Variants in CTNND2 observed in about 807,000 individuals in gnomAD.
CTNND2 encodes catenin delta-2.
CTNND2 carries 22 observed loss-of-function variants against 144.4 expected under a neutral mutation model. The observed-to-expected ratio is 0.15, with a 90% confidence interval of 0.11 to 0.22. The LOEUF is 0.22. CTNND2 is among the 10% of genes least tolerant of loss of function. The pLI is 1.00. For missense variants in CTNND2, 1,353 were observed against 1,618.8 expected (o/e 0.84, Z 2.82); for synonymous variants, 751 against 695.6 (o/e 1.08, Z -1.25).
At chr5:11,778,074 A>T (rs1790349427) in intron 1 of CTNND2, among the ~76,000 whole-genome samples, 1 of 152,030 alleles carries the variant, frequency 6.6e-6, no homozygotes, top group Non-Finnish European at 1.5e-5. Flanking sequence ...TCAGGTTTTG[A>T]CTGAGACTGG....
At chr5:11,547,614 G>A (rs570438552) in intron 3 of CTNND2, among the ~76,000 whole-genome samples, 1 of 152,210 alleles carries the variant, frequency 6.6e-6, no homozygotes, top group South Asian at 2.1e-4. Context: ...ACATGATTAG[G>A]CATTTAATCG....
At chr5:11,787,979 A>T (rs1790924173) in intron 1 of CTNND2, among the ~76,000 whole-genome samples, 2 of 152,208 alleles carry the variant, frequency 1.3e-5, no homozygotes, top group Non-Finnish European at 2.9e-5. Context: ...ATTGCTCCCT[A>T]TAAGTTTACT....
At chr5:11,687,579 G>A (rs1784712845) in intron 2 of CTNND2, among the ~76,000 whole-genome samples, 1 of 152,224 alleles carries the variant, frequency 6.6e-6, no homozygotes, top group Admixed American at 6.5e-5. Flanking sequence ...TGGCTTAGGT[G>A]TGAGGATCAT....
chr5:11,545,837 A>T (rs1232774700), intron 3 of CTNND2, among the ~76,000 whole-genome samples: 1 of 152,166 alleles, frequency 6.6e-6, no homozygotes, highest in Non-Finnish European at 1.5e-5. Flanking sequence ...CACAATATCC[A>T]AAAGGTAGAA....
intron 3 of CTNND2, among the ~76,000 whole-genome samples, chr5:11,460,396 C>G (rs31948): frequency 6.6e-6 from 1 of 152,134 alleles, no homozygotes; most frequent in Non-Finnish European, 1.5e-5. Context: ...AGCCAATTTC[C>G]AAATTTGATG....
At chr5:11,550,270 C>T (rs771344032) in intron 3 of CTNND2, among the ~76,000 whole-genome samples, 3 of 152,196 alleles carry the variant, frequency 2.0e-5, no homozygotes, top group South Asian at 4.1e-4. Context: ...TTCCAAACTC[C>T]GTTGTCTTCA....
chr5:11,796,180 C>T (rs1057138950), intron 1 of CTNND2, among the ~76,000 whole-genome samples: 5 of 152,172 alleles, frequency 3.3e-5, no homozygotes, highest in Admixed American at 3.3e-4. Flanking sequence ...TCTGCACCTC[C>T]CACATTAGCT....
chr5:11,669,120 G>C (rs534712711), intron 2 of CTNND2, among the ~76,000 whole-genome samples: 184 of 152,278 alleles, frequency 1.2e-3, no homozygotes, highest in Middle Eastern at 6.8e-3. Flanking sequence ...AAGCCGACTT[G>C]ATCGTGGTGG....
At chr5:11,025,946 T>C (rs999831503) in intron 16 of CTNND2, among the ~76,000 whole-genome samples, 1 of 152,224 alleles carries the variant, frequency 6.6e-6, no homozygotes, top group African/African-American at 2.4e-5. Context: ...TCCCTTTTTT[T>C]GTATCACATT....
At chr5:11,879,639 C>A (rs1415117389) in intron 1 of CTNND2, among the ~76,000 whole-genome samples, 1 of 151,926 alleles carries the variant, frequency 6.6e-6, no homozygotes, top group Non-Finnish European at 1.5e-5. Flanking sequence ...ATACAAAAAT[C>A]TCGTTTCTAT....
At chr5:11,469,768 T>C (rs1248739096) in intron 3 of CTNND2, among the ~76,000 whole-genome samples, 1 of 152,174 alleles carries the variant, frequency 6.6e-6, no homozygotes, top group African/African-American at 2.4e-5. Flanking sequence ...CCTTTTCCAA[T>C]GCTCCATTTT....
chr5:11,789,070 CAGGTGCTGG>C (rs543527351), intron 1 of CTNND2, among the ~76,000 whole-genome samples: 66 of 152,222 alleles, frequency 4.3e-4, no homozygotes, highest in Non-Finnish European at 9.1e-4. Flanking sequence ...CAGGGAACAA[CAGGTGCTGG>C]AGAGGATGTG....
chr5:11,190,294 C>T (rs1275123673), intron 11 of CTNND2, among the ~76,000 whole-genome samples: 1 of 152,182 alleles, frequency 6.6e-6, no homozygotes, highest in African/African-American at 2.4e-5. Flanking sequence ...TTGTCCAAGG[C>T]ACTAGTAAGC....
intron 2 of CTNND2, among the ~76,000 whole-genome samples, chr5:11,716,765 C>T (rs1428968315): frequency 6.6e-6 from 1 of 152,084 alleles, no homozygotes; most frequent in Non-Finnish European, 1.5e-5. Context: ...CAGCTTACCA[C>T]AACCTCCTCC....
chr5:11,868,818 T>C (rs1343012352), intron 1 of CTNND2, among the ~76,000 whole-genome samples: 1 of 151,842 alleles, frequency 6.6e-6, no homozygotes, highest in Non-Finnish European at 1.5e-5. Flanking sequence ...CCATGCAGAG[T>C]CTCCAGCAGC....
At chr5:11,372,506 C>T (rs901176181) in intron 7 of CTNND2, among the ~76,000 whole-genome samples, 2 of 152,078 alleles carry the variant, frequency 1.3e-5, no homozygotes, top group Non-Finnish European at 2.9e-5. Context: ...TGTAATACCC[C>T]ACCCCTCATG....
intron 9 of CTNND2, among the ~76,000 whole-genome samples, chr5:11,262,255 T>C (rs1029841309): frequency 1.3e-5 from 2 of 152,154 alleles, no homozygotes; most frequent in South Asian, 2.1e-4. Context: ...CCAGTCAACC[T>C]GAGCAACATA....
chr5:11,467,513 A>G (rs1402109915), intron 3 of CTNND2, among the ~76,000 whole-genome samples: 7 of 152,110 alleles, frequency 4.6e-5, no homozygotes, highest in Non-Finnish European at 4.4e-5. Context: ...ATATTCAATG[A>G]GTGTCAAGAA....
chr5:11,798,094 C>T (rs1018277161), intron 1 of CTNND2, among the ~76,000 whole-genome samples: 8 of 150,844 alleles, frequency 5.3e-5, no homozygotes, highest in Non-Finnish European at 1.2e-4. Flanking sequence ...CCCGTCTCTA[C>T]TAAAAATACA....
Sources: allele counts gnomAD v4.1 joint callset (sites outside exome capture counted in the v4.1 genomes callset), GRCh38; gene constraint gnomAD v4.1.1; transcripts MANE v1.5; gene names NCBI Gene and HGNC (gene_info 2026-07-23, HGNC 2026-07-21).